Variants in PRIM2 observed in about 807,000 individuals in gnomAD.
The protein encoded by PRIM2 is DNA primase subunit 2.
A neutral mutation model predicts 67.3 loss-of-function variants in PRIM2; 39 were observed. The ratio of observed to expected loss-of-function variants is 0.58; its 90% CI spans 0.45 to 0.76. The LOEUF is 0.76. Among genes scored for constraint, PRIM2 ranks in the 30% least tolerant of loss-of-function variants. The pLI, the probability that PRIM2 is intolerant of heterozygous loss-of-function variation, is 0.00. For missense variants in PRIM2, 398 were observed against 598.7 expected (o/e 0.66, Z 3.50); for synonymous variants, 143 against 198.7 (o/e 0.72, Z 2.36).
At chr6:57,234,684 C>A in the PRIM2 span, among the ~76,000 whole-genome samples, 2 of 152,068 alleles carry the variant, frequency 1.3e-5, no homozygotes, top group Non-Finnish European at 2.9e-5. Context: ...CCACCATGCC[C>A]AGCTAATTTT....
intron 7 of PRIM2, among the ~76,000 whole-genome samples, chr6:57,456,481 G>A (rs868638419): frequency 2.6e-4 from 40 of 151,976 alleles, no homozygotes; most frequent in South Asian, 1.5e-3. Flanking sequence ...GGCTTTGTTC[G>A]TTTCTTTTTA....
At position 57,325,939 on chromosome 6, in the gene PRIM2, G is replaced by A. The variant is rs1055495110; in HGVS notation, c.353G>A (p.Arg118His). The change falls in exon 5 of 14, where the codon CGC becomes CAC. Residue 118 changes from arginine (R) to histidine (H), a missense_variant. Arg to His is a conservative substitution (Grantham distance 29). This residue lies in a region of PRIM2 where 229 missense variants were observed against 383.6 expected (regional missense o/e 0.60). Coordinates refer to ENST00000615550, the MANE Select transcript of PRIM2 (RefSeq NM_000947.5). ...LAYCQSEELR[R>H]WFIQQEMDLL... ...CTTCATTTCAGTGAAGAACTTAGACGCTGGTTCATTCAACAAGAAATGGAT... is the reference window on the plus strand; with the variant it reads ...CTTCATTTCAGTGAAGAACTTAGACACTGGTTCATTCAACAAGAAATGGAT... The A allele has an allele frequency of 1.2e-5, 20 of 1,602,206 alleles. No homozygotes were observed. Among genetic ancestry groups the A allele is most frequent in the East Asian group, 9.0e-5 (4 of 44,664 alleles).
chr6:57,240,091 GTTTTTTTTTT>G, the PRIM2 span, among the ~76,000 whole-genome samples: 1 of 90,006 alleles, frequency 1.1e-5, no homozygotes, highest in African/African-American at 4.4e-5. Context: ...TCAATAATCT[GTTTTTTTTTT>G]TTTTTTTTTT....
the PRIM2 span, chr6:57,221,889 T>A: frequency 6.6e-6 from 1 of 152,486 alleles, no homozygotes; most frequent in East Asian, 1.9e-4. Context: ...CCCTGCCCAC[T>A]CCGGAGAGTA....
chr6:57,326,141 A>G (rs1767846728), intron 5 of PRIM2, 96 bp downstream of exon 5: 1 of 1,377,054 alleles, frequency 7.3e-7, no homozygotes, highest in Non-Finnish European at 9.9e-7. Context: ...TGTTCTCTTT[A>G]CATTCTCCAA....
At chr6:57,262,338 C>T in the PRIM2 span, among the ~76,000 whole-genome samples, 2 of 151,980 alleles carry the variant, frequency 1.3e-5, no homozygotes, top group African/African-American at 2.4e-5. Context: ...TTTTACATAC[C>T]GATTATTTAT....
chr6:57,494,007 T>A (rs1652518430), intron 7 of PRIM2: 1 of 152,240 alleles, frequency 6.6e-6, no homozygotes, highest in Admixed American at 6.5e-5. Context: ...CAACTGTATG[T>A]CCAAGGTCAC....
At chr6:57,500,328 C>G (rs1248849100) in intron 7 of PRIM2, among the ~76,000 whole-genome samples, 1 of 152,172 alleles carries the variant, frequency 6.6e-6, no homozygotes, top group African/African-American at 2.4e-5. Context: ...AGTTTTCACT[C>G]TCTGCCTCTC....
the PRIM2 span, among the ~76,000 whole-genome samples, chr6:57,291,052 T>C: frequency 6.6e-6 from 1 of 152,012 alleles, no homozygotes; most frequent in African/African-American, 2.4e-5. Flanking sequence ...AAAAAATCAA[T>C]GAATCCAGGA....
chr6:57,445,599 C>T (rs11756430), intron 7 of PRIM2, among the ~76,000 whole-genome samples: 1 of 152,124 alleles, frequency 6.6e-6, no homozygotes, highest in East Asian at 1.9e-4. Context: ...TGCCCTGTGT[C>T]CTTAGCTACC....
chr6:57,627,282 A>C (rs1301288660), intron 12 of PRIM2, among the ~76,000 whole-genome samples: 1 of 112,700 alleles, frequency 8.9e-6, no homozygotes, highest in African/African-American at 4.3e-5. Context: ...TCTGTCTCAA[A>C]AAAAAAAAAA....
chr6:57,446,974 C>A (rs199629989), intron 7 of PRIM2, among the ~76,000 whole-genome samples: 2 of 152,202 alleles, frequency 1.3e-5, no homozygotes, highest in Non-Finnish European at 2.9e-5. Context: ...GGCCCTGGAG[C>A]CTTCCACTGA....
At chr6:57,368,280 A>G (rs190869711) in intron 5 of PRIM2, among the ~76,000 whole-genome samples, 70 of 151,972 alleles carry the variant, frequency 4.6e-4, no homozygotes, top group African/African-American at 1.6e-3. Context: ...CCACTAATGG[A>G]CCTTAAAAAA....
chr6:57,581,539 TG>T (rs1776083886), intron 10 of PRIM2, among the ~76,000 whole-genome samples: 12 of 152,214 alleles, frequency 7.9e-5, no homozygotes, highest in Non-Finnish European at 1.5e-5. Context: ...TAAAACAAGG[TG>T]AAAGTTTTAT....
intron 5 of PRIM2, among the ~76,000 whole-genome samples, chr6:57,329,382 A>G (rs1302896687): frequency 2.0e-5 from 3 of 152,120 alleles, no homozygotes; most frequent in African/African-American, 4.8e-5. Flanking sequence ...TCCCAGCATC[A>G]TTTGTTGAAA....
At chr6:57,417,808 A>G (rs1193586038) in intron 7 of PRIM2, among the ~76,000 whole-genome samples, 8 of 152,246 alleles carry the variant, frequency 5.3e-5, no homozygotes, top group Admixed American at 2.0e-4. Flanking sequence ...CCCATTGTCT[A>G]TCTCAATGCA....
At chr6:57,351,638 TG>T (rs1395062586) in intron 5 of PRIM2, among the ~76,000 whole-genome samples, 1 of 151,960 alleles carries the variant, frequency 6.6e-6, no homozygotes, top group East Asian at 2.0e-4. Context: ...GTAATGATAG[TG>T]AACATAAAAA....
chr6:57,415,849 T>G (rs1429652870), intron 7 of PRIM2, among the ~76,000 whole-genome samples: 2 of 152,206 alleles, frequency 1.3e-5, no homozygotes, highest in African/African-American at 4.8e-5. Context: ...CATCACCAGA[T>G]TGCAGCTGTT....
At chr6:57,606,847 A>G (rs1210492447) in intron 12 of PRIM2, among the ~76,000 whole-genome samples, 46 of 152,372 alleles carry the variant, frequency 3.0e-4, no homozygotes, top group Admixed American at 2.4e-3. Flanking sequence ...TTCTGAGCAG[A>G]TGATAATGTG....
Sources: allele counts gnomAD v4.1 joint callset (sites outside exome capture counted in the v4.1 genomes callset), GRCh38; gene constraint gnomAD v4.1.1; regional missense constraint gnomAD v4.1.1; transcripts MANE v1.5; gene names NCBI Gene and HGNC (gene_info 2026-07-23, HGNC 2026-07-21).